Variants in CHST1 observed in about 807,000 individuals in gnomAD.
The protein encoded by CHST1 is carbohydrate sulfotransferase 1, also known as Keratan sulfotransferase.
CHST1 carries 10 observed loss-of-function variants against 22.5 expected under a neutral mutation model. The ratio of observed to expected loss-of-function variants is 0.44; its 90% CI spans 0.27 to 0.75. The LOEUF (loss-of-function observed/expected upper bound fraction) is 0.75. CHST1 is among the 30% of genes least tolerant of loss of function. CHST1 has a pLI of 0.15. For synonymous variants in CHST1, 267 were observed against 264.5 expected (o/e 1.01, Z -0.09); for missense variants, 439 against 576.1 (o/e 0.76, Z 2.44).
chr11:45,657,085 A>G (rs1253204466), intron 1 of CHST1, among the ~76,000 whole-genome samples: 1 of 151,034 alleles, frequency 6.6e-6, no homozygotes, highest in Non-Finnish European at 1.5e-5. Context: ...ATGGGGTCCC[A>G]AGGCTCTGGG....
chr11:45,652,679 C>T (rs969425113), intron 1 of CHST1, 73 bp from the exon 2 acceptor site: 1 of 152,250 alleles, frequency 6.6e-6, no homozygotes, highest in African/African-American at 2.4e-5. Flanking sequence ...TGAATTAAAA[C>T]ACCAAGATCG....
chr11:45,662,478 G>A (rs558035855), intron 1 of CHST1, among the ~76,000 whole-genome samples: 12 of 152,292 alleles, frequency 7.9e-5, no homozygotes, highest in East Asian at 7.7e-4. Context: ...GGGGTGTGCC[G>A]GGGCCGCTGG....
In CHST1 at chr11:45,665,610, T is replaced by G. The variant is rs1219420246; in HGVS notation, c.-659A>C. On this transcript the variant is annotated 5_prime_UTR_variant, in exon 1 of 4. Transcript: ENST00000308064. This position sits in a 1 kb window ranked among gnomAD's most constrained non-coding sequence, Gnocchi z 4.0. ...CAAGAGCAGCGGCGGCAGCGGCGGCTACAGCTCCGAGCGAGCGGCAGGCGC... is the reference window on the plus strand; with the variant it reads ...CAAGAGCAGCGGCGGCAGCGGCGGCGACAGCTCCGAGCGAGCGGCAGGCGC... 1 of 151,214 alleles carries G rather than the reference T, an allele frequency of 6.6e-6. No individual in the cohort carries two copies. The highest frequency in any genetic ancestry group is 2.4e-5 in the African/African-American group (1 of 41,168). 9.4% of individuals were successfully genotyped at this position (151,214 alleles called of 1,614,324 possible). A position where few individuals can be genotyped will look rare whatever the true frequency, so the allele number is the denominator to read the frequency against.
At chr11:45,651,021 T>C in intron 3 of CHST1, 56 bp from the exon 4 acceptor site, 1 of 1,342,908 alleles carries the variant, frequency 7.4e-7, no homozygotes, top group African/African-American at 1.5e-5. Context: ...CACTGGCTTG[T>C]CCCTTGGAAG....
rs1057182026 is a variant in CHST1 at position 45,661,070 on chromosome 11, A to G, written c.-227+4108T>C. ...TGATAGCTTTCTTGATAGAATTACA[A>G]GACGGGTAGATGAAGGAAACGCAGG... is the stretch of plus-strand genomic sequence containing the variant. On this transcript the variant is annotated intron_variant, in intron 1 of 3. Coordinates refer to ENST00000308064, the MANE Select transcript of CHST1 (RefSeq NM_003654.6). 5.3e-5 allele frequency among the ~76,000 whole-genome samples: 8 copies of G among 152,282 alleles called. No individual in the cohort carries two copies. In the East Asian group the frequency reaches 1.5e-3, roughly 29 times the overall value.
chr11:45,665,504 G>C lies in CHST1; in HGVS notation c.-553C>G, dbSNP rs1417950721. 6.6e-6 allele frequency: 1 copy of C among 151,724 alleles called. No homozygotes were observed. Among genetic ancestry groups the C allele is most frequent in the Non-Finnish European group, 1.5e-5 (1 of 67,874 alleles). 9.4% of individuals were successfully genotyped at this position (151,724 alleles called of 1,614,324 possible). ...GCCGGGACAGGGGCCGGGACCCGGA[G>C]CGCCGCAGCCCCGGGCGCCGGAGGA... On this transcript the variant is annotated 5_prime_UTR_variant, in exon 1 of 4. Transcript: ENST00000308064. This position sits in a 1 kb window ranked among gnomAD's most constrained non-coding sequence, Gnocchi z 4.0.
chr11:45,655,537 G>A (rs1312603708), intron 1 of CHST1, among the ~76,000 whole-genome samples: 1 of 152,386 alleles, frequency 6.6e-6, no homozygotes, highest in East Asian at 1.9e-4. Flanking sequence ...TGCAGCCAGC[G>A]GGAGGTGATG....
intron 1 of CHST1, among the ~76,000 whole-genome samples, chr11:45,662,934 T>G (rs1370307647): frequency 6.6e-6 from 1 of 152,044 alleles, no homozygotes; most frequent in Non-Finnish European, 1.5e-5. Context: ...AGGGAGTTGG[T>G]CCAAGTCCCG....
chr11:45,652,487 G>A (rs1184638426), intron 2 of CHST1, 34 bp downstream of exon 2: 1 of 152,190 alleles, frequency 6.6e-6, no homozygotes, highest in African/African-American at 2.4e-5. Context: ...CAGGAAGTGG[G>A]TTAGCAGAAG....
At chr11:45,660,357 AGGCT>A (rs1852115816) in intron 1 of CHST1, among the ~76,000 whole-genome samples, 1 of 152,152 alleles carries the variant, frequency 6.6e-6, no homozygotes, top group African/African-American at 2.4e-5. Flanking sequence ...CTTTCCCTAC[AGGCT>A]TCCCTTCCAT....
At chr11:45,653,380 T>C (rs80277561) in intron 1 of CHST1, among the ~76,000 whole-genome samples, 1 of 152,272 alleles carries the variant, frequency 6.6e-6, no homozygotes, top group African/African-American at 2.4e-5. Context: ...TTTAGAGTCT[T>C]AGGAACTTCT....
intron 1 of CHST1, among the ~76,000 whole-genome samples, chr11:45,656,725 C>G (rs979600846): frequency 6.6e-6 from 1 of 151,022 alleles, no homozygotes; most frequent in African/African-American, 2.4e-5. Context: ...CCCACCCTCC[C>G]CCCCCAGGCA....
chr11:45,649,313 A>G lies in CHST1; in HGVS notation c.*375T>C, dbSNP rs1339707351. 1.3e-5 allele frequency: 3 copies of G among 233,696 alleles called. No homozygotes were observed. The highest frequency in any genetic ancestry group is 4.5e-5 in the African/African-American group (2 of 44,134). The allele number at this position is 233,696 out of a possible 1,614,324, so 14.5% of individuals were successfully genotyped here. ...TGAATAGTAAGACAGTGCAAAAACT[A>G]GATACCCGACCACTCACCCATTCAA... On this transcript the variant is annotated 3_prime_UTR_variant, in exon 4 of 4. Coordinates refer to ENST00000308064, the MANE Select transcript of CHST1 (RefSeq NM_003654.6).
At position 45,650,810 on chromosome 11, in the gene CHST1, T is replaced by C. The variant is rs550690637; in HGVS notation, c.114A>G (p.Ala38=). The C allele has an allele frequency of 3.7e-6, 6 of 1,612,378 alleles. No homozygotes were observed. In the African/African-American group the frequency reaches 8.0e-5, roughly 21 times the overall value. The change falls in exon 4 of 4, where the codon GCA becomes GCG. Residue 38 remains alanine (A), a synonymous_variant. Coordinates refer to ENST00000308064, the MANE Select transcript of CHST1 (RefSeq NM_003654.6). ...ACAGTCGCTCGGCCAGCCCGGCCTC[T>C]GCCAGCCCGGGGCAGGTGTGAAAGG... ...AKSFHTCPGL[A]EAGLAERLCE...
Position 45,650,376 on chromosome 11 carries a change from C to T in CHST1, c.548G>A (p.Arg183His), listed in dbSNP as rs1314109889. The T allele has an allele frequency of 1.2e-6, 2 of 1,603,830 alleles. No homozygotes were observed. Among genetic ancestry groups the T allele is most frequent in the East Asian group, 2.2e-5 (1 of 44,844 alleles). ...DLVLEEGDCV[R>H]KCGLLNLTVA... ...GGTCAGGTTGAGTAGCCCGCACTTG[C>T]GCACACAGTCCCCCTCCTCCAGGAC... The change falls in exon 4 of 4, where the codon CGC becomes CAC. Residue 183 changes from arginine (R) to histidine (H), a missense_variant. By Grantham distance (29) the Arg-to-His change is conservative (BLOSUM62 0). Coordinates refer to ENST00000308064, the MANE Select transcript of CHST1 (RefSeq NM_003654.6).
At chr11:45,658,345 T>C (rs1382635102) in intron 1 of CHST1, among the ~76,000 whole-genome samples, 1 of 152,206 alleles carries the variant, frequency 6.6e-6, no homozygotes, top group African/African-American at 2.4e-5. Flanking sequence ...ACAGAGCAAA[T>C]GCTTATTAAG....
intron 1 of CHST1, among the ~76,000 whole-genome samples, chr11:45,657,780 G>A (rs143490093): frequency 1.6e-3 from 243 of 152,288 alleles, no homozygotes; most frequent in Non-Finnish European, 2.5e-3. Context: ...ACCTCAACTT[G>A]AAACACTGTG....
intron 1 of CHST1, among the ~76,000 whole-genome samples, chr11:45,659,388 T>TC (rs1474995833): frequency 6.6e-5 from 10 of 151,978 alleles, no homozygotes; most frequent in Admixed American, 6.6e-4. Flanking sequence ...GCCGCCAGGG[T>TC]CCCAGGACAC....
intron 1 of CHST1, among the ~76,000 whole-genome samples, chr11:45,664,598 A>T (rs1852173576): frequency 1.3e-5 from 2 of 152,348 alleles, no homozygotes; most frequent in African/African-American, 4.8e-5. Context: ...CCCGGGTCCT[A>T]CCCAGAGAAG....
Sources: gnomAD v4.1 joint callset for allele counts (sites outside exome capture counted in the v4.1 genomes callset) on GRCh38, gnomAD v4.1.1 for gene constraint, Gnocchi (gnomAD v3.1) non-coding constraint, MANE v1.5 for transcripts, NCBI Gene and HGNC (gene_info 2026-07-23, HGNC 2026-07-21) for gene names.